PHF24: variants seen among roughly 807,000 people sequenced by gnomAD.
PHF24 encodes Galpha inhibitory interacting protein.
PHF24 carries 25 observed loss-of-function variants against 42.6 expected under a neutral mutation model. That is an observed-to-expected ratio of 0.59 (90% CI 0.43 to 0.82). The LOEUF is 0.82. Among genes scored for constraint, PHF24 ranks in the 40% least tolerant of loss-of-function variants. PHF24 has a pLI of 0.00. For synonymous variants in PHF24, 185 were observed against 204.8 expected (o/e 0.90, Z 0.83); for missense variants, 470 against 538.1 (o/e 0.87, Z 1.25).
chr9:34,892,345 T>G, the PHF24 span, among the ~76,000 whole-genome samples: 1 of 152,226 alleles, frequency 6.6e-6, no homozygotes, highest in East Asian at 1.9e-4. Context: ...GAAGCTCATC[T>G]GTTCAGCAGA....
At chr9:34,669,217 G>A in the PHF24 span, among the ~76,000 whole-genome samples, 1 of 152,134 alleles carries the variant, frequency 6.6e-6, no homozygotes, top group East Asian at 1.9e-4. Context: ...TCATGAGTGT[G>A]TGCTCAACCT....
At chr9:34,899,040 G>A in the PHF24 span, among the ~76,000 whole-genome samples, 6 of 152,296 alleles carry the variant, frequency 3.9e-5, no homozygotes, top group Admixed American at 2.0e-4. Flanking sequence ...GGGGCTCATC[G>A]ACAAGGGTGC....
the PHF24 span, among the ~76,000 whole-genome samples, chr9:34,683,059 T>C: frequency 1.5e-5 from 1 of 67,374 alleles, no homozygotes; most frequent in Non-Finnish European, 3.0e-5. Flanking sequence ...CTTTCTTTCT[T>C]TCTCTCTTTT....
exon 8 of PHF24, chr9:34,980,871 G>C (rs78320855): frequency 3.3e-4 from 50 of 152,340 alleles, no homozygotes; most frequent in Admixed American, 3.3e-3. Flanking sequence ...AAGCCCACTT[G>C]CCCTAAGCAT....
chr9:34,922,253 G>T, the PHF24 span: 10 of 1,592,356 alleles, frequency 6.3e-6, no homozygotes, highest in African/African-American at 1.3e-4. Flanking sequence ...ATGTCAAGTT[G>T]TCTCTCAGTA....
At chr9:34,720,770 G>A in the PHF24 span, among the ~76,000 whole-genome samples, 1 of 152,120 alleles carries the variant, frequency 6.6e-6, no homozygotes, top group Non-Finnish European at 1.5e-5. Flanking sequence ...TGCATTTAGA[G>A]CTTTCTCTGT....
chr9:34,804,574 C>T, the PHF24 span, among the ~76,000 whole-genome samples: 6 of 152,182 alleles, frequency 3.9e-5, no homozygotes, highest in Non-Finnish European at 8.8e-5. Flanking sequence ...ATTAAATCCT[C>T]ATTTCATAGA....
chr9:34,889,405 C>T, the PHF24 span: 9 of 398,518 alleles, frequency 2.3e-5, no homozygotes, highest in Admixed American at 4.4e-5. Context: ...CCTTCCTCCT[C>T]AGTAGAAGGA....
chr9:34,866,124 A>G, the PHF24 span, among the ~76,000 whole-genome samples: 1 of 152,350 alleles, frequency 6.6e-6, no homozygotes, highest in South Asian at 2.1e-4. Context: ...TCTCTGGGTC[A>G]GATTATTTTT....
chr9:34,922,688 A>G, the PHF24 span: 4 of 1,366,688 alleles, frequency 2.9e-6, no homozygotes, highest in South Asian at 1.2e-5. Flanking sequence ...TTCTTGAGCC[A>G]TCTGCTGTTT....
the PHF24 span, among the ~76,000 whole-genome samples, chr9:34,882,963 A>G: frequency 6.6e-6 from 1 of 152,218 alleles, no homozygotes; most frequent in Non-Finnish European, 1.5e-5. Flanking sequence ...ACTTCAAACT[A>G]TACTACAAGG....
At chr9:34,777,653 C>T in the PHF24 span, among the ~76,000 whole-genome samples, 5 of 152,186 alleles carry the variant, frequency 3.3e-5, no homozygotes, top group African/African-American at 1.2e-4. Flanking sequence ...GCCTCAGTCC[C>T]AATGGAAGTA....
upstream of PHF24, among the ~76,000 whole-genome samples, chr9:34,957,962 A>T (rs1826424384): frequency 6.6e-6 from 1 of 151,198 alleles, no homozygotes; most frequent in South Asian, 2.1e-4. Flanking sequence ...CCCGCGCCGC[A>T]GTGCCGGGCG....
chr9:34,763,562 T>C, the PHF24 span, among the ~76,000 whole-genome samples: 6 of 152,226 alleles, frequency 3.9e-5, no homozygotes, highest in East Asian at 1.9e-4. Flanking sequence ...CGTGAGACTT[T>C]GCTGAAGTTG....
the PHF24 span, among the ~76,000 whole-genome samples, chr9:34,851,000 C>T: frequency 3.9e-5 from 6 of 152,184 alleles, no homozygotes; most frequent in Admixed American, 1.3e-4. Flanking sequence ...AGGTGTCAGT[C>T]TGCCCCTACT....
chr9:34,955,676 CAA>C (rs376031915), upstream of PHF24, among the ~76,000 whole-genome samples: 831 of 151,980 alleles, frequency 5.5e-3, 8 homozygotes, highest in African/African-American at 0.019. Context: ...GACTCTGTCT[CAA>C]AAAAAAGAGT....
the PHF24 span, chr9:34,725,769 AG>A: frequency 6.5e-7 from 1 of 1,548,648 alleles, no homozygotes; most frequent in Non-Finnish European, 8.7e-7. Flanking sequence ...AGTGGGGAAG[AG>A]GGTGGGGCTG....
chr9:34,869,643 T>TACAC, the PHF24 span, among the ~76,000 whole-genome samples: 1 of 151,618 alleles, frequency 6.6e-6, no homozygotes, highest in Non-Finnish European at 1.5e-5. Flanking sequence ...GTGTTTTGTA[T>TACAC]ACACACACAC....
At chr9:34,818,521 G>A in the PHF24 span, among the ~76,000 whole-genome samples, 6 of 152,146 alleles carry the variant, frequency 3.9e-5, no homozygotes, top group East Asian at 5.8e-4. Flanking sequence ...TTCCCATGGC[G>A]TACCCCCACT....
Sources: gnomAD v4.1 joint callset for allele counts (sites outside exome capture counted in the v4.1 genomes callset) on GRCh38, gnomAD v4.1.1 for gene constraint, MANE v1.5 for transcripts, NCBI Gene and HGNC (gene_info 2026-07-23, HGNC 2026-07-21) for gene names.